Variants in ENOX2 observed in about 807,000 individuals in gnomAD.
ENOX2 encodes the protein APK1 antigen.
In ENOX2, 36 loss-of-function variants were observed where a neutral mutation model predicts 45.0. That is an observed-to-expected ratio of 0.80 (90% CI 0.61 to 1.06). ENOX2 has a LOEUF of 1.06. ENOX2 is among the 50% of genes least tolerant of loss of function. The pLI, the probability that ENOX2 is intolerant of heterozygous loss-of-function variation, is 0.00. For synonymous variants in ENOX2, 174 were observed against 152.3 expected (o/e 1.14, Z -1.05); for missense variants, 423 against 462.5 (o/e 0.91, Z 0.78).
intron 2 of ENOX2, among the ~76,000 whole-genome samples, chrX:130,836,563 T>G (rs775249848): frequency 9.0e-6 from 1 of 111,429 alleles, no homozygotes; most frequent in Non-Finnish European, 1.9e-5. Flanking sequence ...AGCTTTTATG[T>G]TTGTATTTCT....
At chrX:130,742,425 T>C (rs2039007010) in intron 3 of ENOX2, among the ~76,000 whole-genome samples, 1 of 109,323 alleles carries the variant, frequency 9.1e-6, no homozygotes, top group African/African-American at 3.3e-5. Flanking sequence ...GATGAATGGA[T>C]TGACAACAAT....
chrX:130,874,353 T>C (rs1456341370), intron 2 of ENOX2, among the ~76,000 whole-genome samples: 1 of 111,860 alleles, frequency 8.9e-6, no homozygotes, highest in East Asian at 2.8e-4. Context: ...GACTCCTTGG[T>C]AGTAAAGAGT....
intron 3 of ENOX2, among the ~76,000 whole-genome samples, chrX:130,715,433 G>A (rs929528247): frequency 8.9e-6 from 1 of 111,934 alleles, no homozygotes; most frequent in Non-Finnish European, 1.9e-5. Flanking sequence ...CCCCTTTCGT[G>A]CTTCTTTACC....
chrX:130,760,723 T>C (rs1001574276), intron 3 of ENOX2, among the ~76,000 whole-genome samples: 96 of 89,892 alleles, frequency 1.1e-3, no homozygotes, highest in African/African-American at 4.1e-3. Context: ...GAGGTGGAGG[T>C]TGCAGTGAGC....
intron 3 of ENOX2, among the ~76,000 whole-genome samples, chrX:130,725,407 T>A (rs2038581504): frequency 9.4e-6 from 1 of 106,930 alleles, no homozygotes. Flanking sequence ...CAGGATAACA[T>A]GGAGCTCTCC....
intron 2 of ENOX2, among the ~76,000 whole-genome samples, chrX:130,852,052 CT>C (rs1449092335): frequency 1.8e-5 from 2 of 111,719 alleles, no homozygotes; most frequent in Non-Finnish European, 3.8e-5. Flanking sequence ...GACCTTGCCC[CT>C]ATCCTAGGAC....
intron 3 of ENOX2, among the ~76,000 whole-genome samples, chrX:130,737,384 ATATAATC>A (rs1260651404): frequency 8.9e-6 from 1 of 112,465 alleles, no homozygotes; most frequent in East Asian, 2.8e-4. Flanking sequence ...TACTTGACAT[ATATAATC>A]TATAAAGAGT....
At chrX:130,848,821 C>CA (rs202197123) in intron 2 of ENOX2, among the ~76,000 whole-genome samples, 1,224 of 108,062 alleles carry the variant, frequency 0.011, 22 homozygotes, top group African/African-American at 0.038. Flanking sequence ...ACAAAACAAA[C>CA]AAAAAAAAAC....
intron 4 of ENOX2, among the ~76,000 whole-genome samples, chrX:130,700,697 T>G (rs780006237): frequency 5.4e-5 from 6 of 112,023 alleles, no homozygotes; most frequent in African/African-American, 1.6e-4. Context: ...TTTATCTTTA[T>G]TGGGTGCTTA....
intron 11 of ENOX2, 34 bp from the exon 12 acceptor site, chrX:130,635,125 A>G: frequency 2.4e-6 from 2 of 828,283 alleles, no homozygotes; most frequent in Non-Finnish European, 3.5e-6. Context: ...TCAATTTATG[A>G]ATTACGGAGC....
At chrX:130,871,630 A>T (rs1468346654) in intron 2 of ENOX2, among the ~76,000 whole-genome samples, 3 of 111,301 alleles carry the variant, frequency 2.7e-5, no homozygotes, top group African/African-American at 9.8e-5. Flanking sequence ...GCGAGGACAA[A>T]CAATCAAATT....
chrX:130,686,320 G>A (rs2037448387), intron 5 of ENOX2, among the ~76,000 whole-genome samples: 1 of 110,470 alleles, frequency 9.1e-6, no homozygotes, highest in African/African-American at 3.3e-5. Context: ...CGTGAGATAT[G>A]GTTGTTTAAA....
Position 130,680,475 on chromosome X carries a change from C to T in ENOX2, c.254-727G>A, listed in dbSNP as rs757518470. Reference sequence around the variant, plus strand: ...ATTAACTAAAGTGAGATAAATTTGGCCATAGAGAATCATTAAAAACCTACT... The same window carrying T: ...ATTAACTAAAGTGAGATAAATTTGGTCATAGAGAATCATTAAAAACCTACT... On this transcript the variant is annotated intron_variant, in intron 5 of 14. Coordinates refer to ENST00000394363, the MANE Select transcript of ENOX2 (RefSeq NM_006375.4). 2.1e-4 allele frequency among the ~76,000 whole-genome samples: 23 copies of T among 111,463 alleles called. No homozygotes were observed. The South Asian group carries it at 8.1e-3, about 39-fold the overall frequency.
At chrX:130,798,263 AAAAC>A (rs1255039542) in intron 2 of ENOX2, among the ~76,000 whole-genome samples, 3 of 112,436 alleles carry the variant, frequency 2.7e-5, no homozygotes, top group Non-Finnish European at 5.6e-5. Flanking sequence ...CAAAAAGTAA[AAAAC>A]AAACAAACAA....
At chrX:130,902,907 T>G (rs759015105) in intron 1 of ENOX2, 142 bp downstream of exon 1, 1 of 104,343 alleles carries the variant, frequency 9.6e-6, no homozygotes, top group South Asian at 4.8e-4. Context: ...CGACTCCCAG[T>G]CCCGATACCC....
chrX:130,872,355 C>G (rs1268443862), intron 2 of ENOX2, among the ~76,000 whole-genome samples: 1 of 112,452 alleles, frequency 8.9e-6, no homozygotes, highest in Non-Finnish European at 1.9e-5. Context: ...ATAGCACTCA[C>G]TGAAGATCAT....
At chrX:130,655,724 T>A (rs2036529159) in intron 10 of ENOX2, among the ~76,000 whole-genome samples, 1 of 112,034 alleles carries the variant, frequency 8.9e-6, no homozygotes. Context: ...AATGTCTGCC[T>A]CCCAGGTTCA....
intron 12 of ENOX2, among the ~76,000 whole-genome samples, chrX:130,633,022 T>C (rs958589211): frequency 8.9e-6 from 1 of 112,470 alleles, no homozygotes; most frequent in African/African-American, 3.2e-5. Context: ...TTTAGCCATC[T>C]TGAATAGAAC....
At chrX:130,697,982 T>A (rs2037805435) in intron 4 of ENOX2, among the ~76,000 whole-genome samples, 1 of 111,472 alleles carries the variant, frequency 9.0e-6, no homozygotes. Context: ...CGCCTCACTA[T>A]CTGTATTTCT....
Sources: allele counts gnomAD v4.1 joint callset (sites outside exome capture counted in the v4.1 genomes callset), GRCh38; gene constraint gnomAD v4.1.1; transcripts MANE v1.5; gene names NCBI Gene and HGNC (gene_info 2026-07-23, HGNC 2026-07-21).